Variants in DCLK2 observed in about 807,000 individuals in gnomAD.
DCLK2 encodes the protein serine/threonine-protein kinase DCLK2.
DCLK2 carries 31 observed loss-of-function variants against 78.4 expected under a neutral mutation model. The ratio of observed to expected loss-of-function variants is 0.40; its 90% confidence interval spans 0.30 to 0.53. DCLK2 has a LOEUF of 0.53. Ranked by LOEUF, DCLK2 falls within the 20% of genes least tolerant of loss-of-function variation. DCLK2 has a pLI of 0.61. For synonymous variants in DCLK2, 407 were observed against 374.9 expected (o/e 1.09, Z -0.99); for missense variants, 872 against 973.7 (o/e 0.90, Z 1.39).
chr4:150,194,069 ACACG>A (rs1161284526), intron 3 of DCLK2, among the ~76,000 whole-genome samples: 6 of 137,622 alleles, frequency 4.4e-5, no homozygotes, highest in South Asian at 2.2e-4. Context: ...ACACACACAC[ACACG>A]TATACTTACT....
intron 10 of DCLK2, among the ~76,000 whole-genome samples, chr4:150,233,210 C>T (rs1188794012): frequency 6.6e-6 from 1 of 152,016 alleles, no homozygotes; most frequent in Non-Finnish European, 1.5e-5. Flanking sequence ...AGAAAGAGAG[C>T]GAGGAGGGAA....
chr4:150,155,651 A>C (rs1278237354), intron 2 of DCLK2, among the ~76,000 whole-genome samples: 1 of 152,174 alleles, frequency 6.6e-6, no homozygotes, highest in East Asian at 1.9e-4. Flanking sequence ...GCAGGTGTTG[A>C]GAAAAGCTTG....
At chr4:150,184,543 A>G (rs1415881685) in intron 2 of DCLK2, among the ~76,000 whole-genome samples, 1 of 151,568 alleles carries the variant, frequency 6.6e-6, no homozygotes, top group Non-Finnish European at 1.5e-5. Flanking sequence ...ATTTCCAAAG[A>G]GTGTCAATGG....
At chr4:150,248,713 AG>A (rs1180246985) in intron 14 of DCLK2, among the ~76,000 whole-genome samples, 3 of 151,948 alleles carry the variant, frequency 2.0e-5, no homozygotes, top group Non-Finnish European at 1.5e-5. Context: ...GGGGTTTGAG[AG>A]TTTCCAGGGT....
At chr4:150,112,042 G>A (rs1731733156) in intron 2 of DCLK2, among the ~76,000 whole-genome samples, 1 of 152,040 alleles carries the variant, frequency 6.6e-6, no homozygotes, top group Non-Finnish European at 1.5e-5. Flanking sequence ...CGTTGAATTT[G>A]TAGATTGCTT....
chr4:150,120,446 C>A (rs1284998971), intron 2 of DCLK2, among the ~76,000 whole-genome samples: 1 of 152,092 alleles, frequency 6.6e-6, no homozygotes, highest in African/African-American at 2.4e-5. Context: ...AGAGAAAAGG[C>A]TAGGCTTAAC....
chr4:150,094,775 G>A (rs181039325), intron 1 of DCLK2, among the ~76,000 whole-genome samples: 2 of 152,334 alleles, frequency 1.3e-5, no homozygotes, highest in East Asian at 3.9e-4. Flanking sequence ...TCCAGGTCCT[G>A]TACTAGGTGT....
At chr4:150,168,114 C>T (rs372675410) in intron 2 of DCLK2, among the ~76,000 whole-genome samples, 6 of 152,152 alleles carry the variant, frequency 3.9e-5, no homozygotes, top group East Asian at 1.9e-4. Context: ...GAGGCCAAGG[C>T]GGGCGGATCA....
chr4:150,245,011 C>G (rs965408297), intron 12 of DCLK2, among the ~76,000 whole-genome samples: 4 of 151,172 alleles, frequency 2.6e-5, no homozygotes, highest in Non-Finnish European at 6.0e-5. Flanking sequence ...GTAAGGATGA[C>G]TAAAAAGAAT....
intron 10 of DCLK2, among the ~76,000 whole-genome samples, chr4:150,233,169 A>G (rs1458803437): frequency 6.6e-6 from 1 of 152,202 alleles, no homozygotes; most frequent in Non-Finnish European, 1.5e-5. Flanking sequence ...GCGAAGGGGA[A>G]GCAAGCACCT....
intron 5 of DCLK2, among the ~76,000 whole-genome samples, chr4:150,219,354 C>T (rs1015568228): frequency 6.7e-6 from 1 of 150,286 alleles, no homozygotes; most frequent in African/African-American, 2.5e-5. Context: ...CTGCAACCTC[C>T]ACCTCCCAGT....
At chr4:150,139,008 T>C (rs1182240264) in intron 2 of DCLK2, among the ~76,000 whole-genome samples, 2 of 151,036 alleles carry the variant, frequency 1.3e-5, no homozygotes, top group Non-Finnish European at 3.0e-5. Context: ...AAAAAAAAGG[T>C]TTTCCCTGTA....
intron 5 of DCLK2, among the ~76,000 whole-genome samples, chr4:150,216,362 G>C (rs1040549244): frequency 1.3e-5 from 2 of 152,184 alleles, no homozygotes; most frequent in Non-Finnish European, 2.9e-5. Context: ...TCAGCAGCTC[G>C]GTGCAGCGGC....
chr4:150,116,881 C>T (rs1369359738), intron 2 of DCLK2, among the ~76,000 whole-genome samples: 1 of 152,078 alleles, frequency 6.6e-6, no homozygotes. Flanking sequence ...AATGTATTGG[C>T]TATGTTGGTT....
At chr4:150,240,638 T>C (rs1031024409) in intron 12 of DCLK2, among the ~76,000 whole-genome samples, 162 bp downstream of exon 12, 3 of 150,616 alleles carry the variant, frequency 2.0e-5, no homozygotes, top group Non-Finnish European at 4.4e-5. Flanking sequence ...TTGGAAGATA[T>C]ACCTAATGCT....
At chr4:150,208,488 C>T (rs9762327) in intron 5 of DCLK2, among the ~76,000 whole-genome samples, 121,130 of 151,706 alleles carry the variant, frequency 0.8, 50,658 homozygotes, top group Middle Eastern at 0.93. Flanking sequence ...GTGGCGTGAT[C>T]TTGGCTCACT....
At chr4:150,250,491 G>A (rs1039725263) in intron 15 of DCLK2, among the ~76,000 whole-genome samples, 7 of 152,040 alleles carry the variant, frequency 4.6e-5, no homozygotes, top group African/African-American at 9.7e-5. Flanking sequence ...CCCAGGCAGG[G>A]ACCTTGGTTC....
intron 1 of DCLK2, among the ~76,000 whole-genome samples, chr4:150,099,543 C>T (rs181875976): frequency 3.3e-5 from 5 of 152,312 alleles, no homozygotes; most frequent in African/African-American, 4.8e-5. Context: ...TGGCTGTTGT[C>T]GTCAAGGTAT....
chr4:150,109,336 T>C (rs1217831686), intron 2 of DCLK2, among the ~76,000 whole-genome samples: 1 of 96,828 alleles, frequency 1.0e-5, no homozygotes, highest in Non-Finnish European at 2.5e-5. Flanking sequence ...TGCATTTCCC[T>C]TTTTTTTTTT....
Sources: allele counts gnomAD v4.1 joint callset (sites outside exome capture counted in the v4.1 genomes callset), GRCh38; gene constraint gnomAD v4.1.1; transcripts MANE v1.5; gene names NCBI Gene and HGNC (gene_info 2026-07-23, HGNC 2026-07-21).